CDH7: variants seen among roughly 807,000 people sequenced by gnomAD.
CDH7 encodes cadherin 7, also known as cadherin-7.
In CDH7, 25 loss-of-function variants were observed where a neutral mutation model predicts 71.8. The observed-to-expected ratio is 0.35, with a 90% CI of 0.25 to 0.49. CDH7 has a LOEUF of 0.49. CDH7 is among the 20% of genes least tolerant of loss of function. The pLI is 0.99. For missense variants in CDH7, 862 were observed against 974.6 expected (o/e 0.88, Z 1.54); for synonymous variants, 381 against 363.8 (o/e 1.05, Z -0.54).
chr18:65,814,341 C>G (rs777103650), intron 3 of CDH7, 144 bp from the exon 4 acceptor site: 6 of 797,652 alleles, frequency 7.5e-6, no homozygotes, highest in South Asian at 1.5e-5. Flanking sequence ...TAAAAAAATA[C>G]TGTATCCATT....
chr18:65,799,963 A>T (rs1448378641), intron 2 of CDH7, among the ~76,000 whole-genome samples: 1 of 152,240 alleles, frequency 6.6e-6, no homozygotes, highest in African/African-American at 2.4e-5. Context: ...TACACTGCAT[A>T]CTTCTTCTTC....
chr18:65,845,052 T>C (rs1912888301), intron 7 of CDH7, among the ~76,000 whole-genome samples: 1 of 152,020 alleles, frequency 6.6e-6, no homozygotes, highest in South Asian at 2.1e-4. Flanking sequence ...ACGTTGGCTC[T>C]AAATTGTCAT....
In CDH7 at chr18:65,881,833, A is replaced by G. The variant is rs1216428083; in HGVS notation, c.*939A>G. On this transcript the variant is annotated 3_prime_UTR_variant, in exon 12 of 12. Coordinates refer to ENST00000397968, the MANE Select transcript of CDH7 (RefSeq NM_004361.5). The stretch of plus-strand genomic sequence containing the variant: ...AGGAAATGAAGCATGGAAATGGAGA[A>G]CTAATAGTAAAGCAATTGAGCCCTG... 6.6e-6 allele frequency: 1 copy of G among 152,220 alleles called. No homozygotes were observed. The highest frequency in any genetic ancestry group is 1.5e-5 in the Non-Finnish European group (1 of 68,036). 9.4% of individuals were successfully genotyped at this position (152,220 alleles called of 1,614,324 possible).
chr18:65,762,789 T>G lies in CDH7; in HGVS notation c.-54T>G, dbSNP rs1916230661. On this transcript the variant is annotated 5_prime_UTR_variant, in exon 2 of 12. Coordinates refer to ENST00000397968, the MANE Select transcript of CDH7 (RefSeq NM_004361.5). ...CTACTAAGCCAACTGGAACTGTGCC[T>G]TTTCTCTTGTCAAGGTTTTTTTCTT... The G allele has an allele frequency of 6.6e-7, 1 of 1,513,696 alleles. No individual in the cohort carries two copies. The highest frequency in any genetic ancestry group is 1.9e-5 in the Admixed American group (1 of 53,616). 93.8% of individuals were successfully genotyped at this position (1,513,696 alleles called of 1,614,324 possible). A position where few individuals can be genotyped will look rare whatever the true frequency, so the allele number is the denominator to read the frequency against.
chr18:65,867,281 C>G (rs945147575), intron 11 of CDH7, among the ~76,000 whole-genome samples: 1 of 152,050 alleles, frequency 6.6e-6, no homozygotes, highest in South Asian at 2.1e-4. Context: ...GTGATCCACC[C>G]GCCTTGGCCT....
At chr18:65,771,369 G>A (rs1214645149) in intron 2 of CDH7, among the ~76,000 whole-genome samples, 2 of 152,128 alleles carry the variant, frequency 1.3e-5, no homozygotes, top group Admixed American at 6.6e-5. Context: ...GCCGTAAACA[G>A]TGGCTCACGC....
rs1727320383 is a variant in CDH7 at position 65,883,706 on chromosome 18, G to A, written c.*2812G>A. 6.6e-6 allele frequency: 1 copy of A among 152,040 alleles called. No homozygotes were observed. The highest frequency in any genetic ancestry group is 1.5e-5 in the Non-Finnish European group (1 of 67,956). 9.4% of individuals were successfully genotyped at this position (152,040 alleles called of 1,614,324 possible). On this transcript the variant is annotated 3_prime_UTR_variant, in exon 12 of 12. Coordinates refer to ENST00000397968, the MANE Select transcript of CDH7 (RefSeq NM_004361.5). ...CACTACCCTTTTCTCTGGAGAACAA[G>A]TTGTTAAACATTTACCAGCACTCTA...
rs189850733 is a variant in CDH7 at position 65,833,380 on chromosome 18, G to A, written c.981+8549G>A. Among the ~76,000 whole-genome samples the A allele has an allele frequency of 1.6e-3, 238 of 152,248 alleles. 1 individual carries two copies. The highest frequency in any genetic ancestry group is 5.4e-3 in the African/African-American group (225 of 41,556). Reference sequence around the variant, plus strand: ...ATGTGGTGAGAGAGAATCAAACCAAGGTTAATGCCAATTTATTTTTCTTCC... The same window carrying A: ...ATGTGGTGAGAGAGAATCAAACCAAAGTTAATGCCAATTTATTTTTCTTCC... On this transcript the variant is annotated intron_variant, in intron 6 of 11. Transcript: ENST00000397968.
chr18:65,846,083 TA>T (rs1247204065), intron 7 of CDH7, among the ~76,000 whole-genome samples: 1 of 152,160 alleles, frequency 6.6e-6, no homozygotes, highest in Non-Finnish European at 1.5e-5. Context: ...TTTCACTTTT[TA>T]TAATATTTTC....
chr18:65,799,976 T>C (rs1911060845), intron 2 of CDH7, among the ~76,000 whole-genome samples: 1 of 152,258 alleles, frequency 6.6e-6, no homozygotes, highest in African/African-American at 2.4e-5. Flanking sequence ...TCTTCTTCTG[T>C]ACTATTTTTA....
At chr18:65,829,512 G>T (rs1912258153) in intron 6 of CDH7, among the ~76,000 whole-genome samples, 1 of 149,216 alleles carries the variant, frequency 6.7e-6, no homozygotes, top group South Asian at 2.1e-4. Context: ...ATATTTGCCA[G>T]ATATGTATTT....
chr18:65,784,590 A>C (rs1451239716), intron 2 of CDH7, among the ~76,000 whole-genome samples: 2 of 152,150 alleles, frequency 1.3e-5, no homozygotes, highest in Non-Finnish European at 2.9e-5. Flanking sequence ...TAGGAGAAAA[A>C]GTCCTAGAAC....
chr18:65,803,083 G>A (rs992721062), intron 2 of CDH7: 3 of 151,840 alleles, frequency 2.0e-5, no homozygotes, highest in African/African-American at 2.4e-5. Context: ...TTATCCTCAC[G>A]TCAACATTCA....
chr18:65,883,606 G>A lies in CDH7; in HGVS notation c.*2712G>A, dbSNP rs892070489. ...TTCTTCATATCTCTTCCCAACTCCA[G>A]GTACAGTGATATCATTTTGGTAGGT... On this transcript the variant is annotated 3_prime_UTR_variant, in exon 12 of 12. Coordinates refer to ENST00000397968, the MANE Select transcript of CDH7 (RefSeq NM_004361.5). 2.6e-5 allele frequency: 4 copies of A among 151,958 alleles called. No individual in the cohort carries two copies. Among genetic ancestry groups the A allele is most frequent in the African/African-American group, 9.7e-5 (4 of 41,390 alleles). 9.4% of individuals were successfully genotyped at this position (151,958 alleles called of 1,614,324 possible).
intron 2 of CDH7, among the ~76,000 whole-genome samples, chr18:65,809,285 A>G (rs1305547058): frequency 6.6e-6 from 1 of 152,208 alleles, no homozygotes; most frequent in Non-Finnish European, 1.5e-5. Flanking sequence ...AGCATATTAA[A>G]TGGTATATTG....
rs565924553 is a variant in CDH7 at position 65,825,589 on chromosome 18, A to G, written c.981+758A>G. 3.9e-5 allele frequency among the ~76,000 whole-genome samples: 6 copies of G among 152,048 alleles called. No homozygotes were observed. The East Asian group carries it at 1.2e-3, about 29-fold the overall frequency. On this transcript the variant is annotated intron_variant, in intron 6 of 11. Transcript: ENST00000397968. Reference sequence around the variant, plus strand: ...TCTTAGTTTATCAACTATTTGAAACATTAAAAATATATCAATATCTTGACC... The same window carrying G: ...TCTTAGTTTATCAACTATTTGAAACGTTAAAAATATATCAATATCTTGACC...
At chr18:65,780,918 GT>G (rs35645871) in intron 2 of CDH7, among the ~76,000 whole-genome samples, 3,289 of 104,740 alleles carry the variant, frequency 0.031, 84 homozygotes, top group African/African-American at 0.075. Flanking sequence ...CTCTATTCCT[GT>G]TTTTTTTTTT....
At chr18:65,770,029 T>C (rs1390957745) in intron 2 of CDH7, among the ~76,000 whole-genome samples, 1 of 152,172 alleles carries the variant, frequency 6.6e-6, no homozygotes, top group Non-Finnish European at 1.5e-5. Context: ...TAAATACTAC[T>C]GCTGGTTTGA....
chr18:65,824,647 C>CTT lies in CDH7; in HGVS notation c.798_799dup (p.Tyr267PhefsTer12). 6.4e-7 allele frequency: 1 copy of CTT among 1,562,068 alleles called. No individual in the cohort carries two copies. The highest frequency in any genetic ancestry group is 8.7e-7 in the Non-Finnish European group (1 of 1,152,378). The stretch of plus-strand genomic sequence containing the variant: ...TTTCTTGCTTTGAATTTCACAGGGT[C>CTT]TTATCAATATAACGTCCCAGAGTCA... On this transcript the variant is annotated frameshift_variant, in exon 6 of 12. Coordinates refer to ENST00000397968, the MANE Select transcript of CDH7 (RefSeq NM_004361.5). LOFTEE classifies it high-confidence loss of function.
Sources: gnomAD v4.1 joint callset for allele counts (sites outside exome capture counted in the v4.1 genomes callset) on GRCh38, gnomAD v4.1.1 for gene constraint, MANE v1.5 for transcripts, NCBI Gene and HGNC (gene_info 2026-07-23, HGNC 2026-07-21) for gene names.